The following ZNF568 variants were observed in gnomAD, a reference collection of about 807,000 sequenced individuals.
ZNF568 encodes p53 inhibitor of SCO2 activation.
Under a neutral mutation model 18.1 loss-of-function variants are expected in ZNF568, and 11 were observed. That is an observed-to-expected ratio of 0.61 (90% CI 0.38 to 1.00). The LOEUF (loss-of-function observed/expected upper bound fraction) is 1.00. Among genes scored for constraint, ZNF568 ranks in the 50% least tolerant of loss-of-function variants. The probability of loss-of-function intolerance (pLI) is 0.01; values close to 1 mark genes in which losing one functional copy is unlikely to be tolerated. For synonymous variants in ZNF568, 213 were observed against 246.6 expected, an observed-to-expected ratio of 0.86 and a Z score of 1.28; for missense variants, 639 against 768.2, an observed-to-expected ratio of 0.83 and a Z score of 1.99.
downstream of ZNF568, among the ~76,000 whole-genome samples, chr19:36,953,455 G>C (rs2074083630): frequency 6.6e-6 from 1 of 152,260 alleles, no homozygotes; most frequent in African/African-American, 2.4e-5. Flanking sequence ...GGTTGGAAAT[G>C]GTGGTGAACT....
In ZNF568 at chr19:36,950,602, T is replaced by C. The variant is rs868150263; in HGVS notation, c.1449T>C (p.Phe483=). The part of the protein sequence containing the change: ...PYECSECGKA[F]IQMSNLIRHQ... ...AATGCAGTGAATGTGGGAAAGCTTT[T>C]ATTCAGATGTCAAACCTCATTCGAC... The change falls in exon 7 of 7, where the codon TTT becomes TTC. Residue 483 remains phenylalanine (F), a synonymous_variant. Transcript: ENST00000333987. 20 of 1,613,608 alleles carry C rather than the reference T, an allele frequency of 1.2e-5. No homozygotes were observed. Among genetic ancestry groups the C allele is most frequent in the Non-Finnish European group, 1.7e-5 (20 of 1,179,858 alleles).
At position 36,916,537 on chromosome 19, in the gene ZNF568, A is replaced by T. The variant is rs77000225; in HGVS notation, c.-310A>T. ...GCGGTTGACGGGACACGGATCCTCT[A>T]AGGCCCAGAGTGTCCCGAGTAGCGG... On this transcript the variant is annotated 5_prime_UTR_variant, in exon 1 of 7. The change abolishes the stop of an existing upstream ORF in the 5' untranslated region. Coordinates refer to ENST00000333987, the MANE Select transcript of ZNF568 (RefSeq NM_198539.4). The surrounding 1 kb of genome is among the most constrained non-coding windows in gnomAD (Gnocchi z 5.3). 1 of 152,440 alleles carries T rather than the reference A, an allele frequency of 6.6e-6. No homozygotes were observed. The highest frequency in any genetic ancestry group is 1.5e-5 in the Non-Finnish European group (1 of 68,138). The allele number at this position is 152,440 out of a possible 1,614,324, so 9.4% of individuals were successfully genotyped here.
chr19:36,937,037 A>T, intron 5 of ZNF568, 110 bp from the exon 6 acceptor site: 1 of 1,358,572 alleles, frequency 7.4e-7, no homozygotes, highest in Non-Finnish European at 1.0e-6. Context: ...GTCATTGTGT[A>T]AGTTCATTCA....
intron 6 of ZNF568, chr19:36,973,123 T>A (rs1336379145): frequency 1.3e-5 from 2 of 152,242 alleles, no homozygotes; most frequent in African/African-American, 4.8e-5. Flanking sequence ...AGGCCCCGGG[T>A]GGCGCACCCA....
rs781731841 is a variant in ZNF568, at chr19:36,936,852, A to T, written c.242A>T (p.Tyr81Phe). 6.2e-7 allele frequency: 1 copy of T among 1,613,936 alleles called. No individual in the cohort carries two copies. Among genetic ancestry groups the T allele is most frequent in the East Asian group, 2.2e-5 (1 of 44,876 alleles). Reference sequence around the variant, plus strand: ...TATCGAGATGTGATGCTGGAGAACTACAGCAACCTAGTCACAGTGGGTAAG... The same window carrying T: ...TATCGAGATGTGATGCTGGAGAACTTCAGCAACCTAGTCACAGTGGGTAAG... ...NLYRDVMLEN[Y>F]SNLVTVGCQV... The change falls in exon 5 of 7, where the codon TAC becomes TTC. Residue 81 changes from tyrosine to phenylalanine, a missense_variant. Tyr to Phe is a conservative substitution (Grantham distance 22). Coordinates refer to ENST00000333987, the MANE Select transcript of ZNF568 (RefSeq NM_198539.4).
chr19:36,997,439 A>G (rs866296086), downstream of ZNF568: 1 of 1,589,854 alleles, frequency 6.3e-7, no homozygotes, highest in Non-Finnish European at 8.5e-7. Context: ...CGACATCAAA[A>G]AGTTCACACT....
intron 4 of ZNF568, among the ~76,000 whole-genome samples, chr19:36,927,868 ATATATATATATATATATAT>A (rs1432284290): frequency 6.8e-4 from 36 of 52,590 alleles, no homozygotes; most frequent in African/African-American, 3.8e-3. Flanking sequence ...GTGTATATAT[ATATATATATATATATATAT>A]TATATATATA....
chr19:36,954,790 C>G (rs2074095102), downstream of ZNF568, among the ~76,000 whole-genome samples: 1 of 150,468 alleles, frequency 6.6e-6, no homozygotes, highest in African/African-American at 2.5e-5. Flanking sequence ...GTTGGCCAGG[C>G]TGGTCTCGAA....
intron 6 of ZNF568, among the ~76,000 whole-genome samples, chr19:36,945,210 A>AGTGT (rs10616521): frequency 0.14 from 20,047 of 141,774 alleles, 1,350 homozygotes; most frequent in African/African-American, 0.15. Flanking sequence ...CAGAGAGAGA[A>AGTGT]GTGTGTGTGT....
At chr19:36,996,849 G>C (rs2074477918) in exon 5 of ZNF568, 1 of 1,540,458 alleles carries the variant, frequency 6.5e-7, no homozygotes, top group Non-Finnish European at 8.7e-7. Flanking sequence ...GTCAGCATCA[G>C]AGGATGCATC....
chr19:36,949,816 C>G lies in ZNF568; in HGVS notation c.663C>G (p.Pro221=), dbSNP rs1403808072. The G allele has an allele frequency of 1.2e-6, 2 of 1,613,966 alleles. No individual in the cohort carries two copies. The highest frequency in any genetic ancestry group is 2.2e-5 in the South Asian group (2 of 91,080). Residue 221 remains proline, a synonymous_variant, in exon 7 of 7, where the codon CCC becomes CCG. Transcript: ENST00000333987. Reference sequence around the variant, plus strand: ...ATTGTGCATCCTATGTTGTAACCCCCTTTAAGTGTAATCAGTGTGGACAAG... The same window carrying G: ...ATTGTGCATCCTATGTTGTAACCCCGTTTAAGTGTAATCAGTGTGGACAAG... The part of the protein sequence containing the change: ...FYHCASYVVT[P]FKCNQCGQDF...
intron 3 of ZNF568, 96 bp downstream of exon 3, chr19:36,922,942 C>G: frequency 9.8e-7 from 1 of 1,020,310 alleles, no homozygotes; most frequent in Non-Finnish European, 1.5e-6. Context: ...AGAAAGGTCA[C>G]GTATGTTAAT....
intron 2 of ZNF568, among the ~76,000 whole-genome samples, chr19:36,917,903 T>C (rs1344579933): frequency 6.6e-6 from 1 of 152,214 alleles, no homozygotes; most frequent in Non-Finnish European, 1.5e-5. Context: ...TTCTGTGTTA[T>C]TCTTGTCTCA....
chr19:36,933,909 TTGTTTTGTTTTTTTG>T (rs1312382301), intron 4 of ZNF568, among the ~76,000 whole-genome samples: 733 of 32,748 alleles, frequency 0.022, 61 homozygotes, highest in African/African-American at 0.11. Context: ...GTTTTTTTTT[TTGTTTTGTTTTTTTG>T]TTTTTTTTTT....
chr19:36,975,152 C>T (rs1280244951), intron 7 of ZNF568, among the ~76,000 whole-genome samples: 6 of 126,566 alleles, frequency 4.7e-5, no homozygotes, highest in Admixed American at 1.6e-4. Context: ...TTCTTTCTTT[C>T]TTTTTTTTTT....
chr19:36,920,618 C>T (rs1377442728), intron 2 of ZNF568, among the ~76,000 whole-genome samples: 4 of 106,982 alleles, frequency 3.7e-5, no homozygotes, highest in South Asian at 2.8e-4. Flanking sequence ...GAGACTCCAT[C>T]TAAAAAAAAA....
At chr19:36,960,728 CA>C (rs66625773) in intron 6 of ZNF568, among the ~76,000 whole-genome samples, 31,973 of 139,626 alleles carry the variant, frequency 0.23, 3,350 homozygotes, top group Middle Eastern at 0.3. Flanking sequence ...AACTCCATCT[CA>C]AAAAAAAAAA....
At chr19:36,997,364 C>T, downstream of ZNF568, 5 of 1,593,488 alleles carry the variant, frequency 3.1e-6, no homozygotes, top group Non-Finnish European at 4.3e-6. Context: ...AGAGCTCATA[C>T]TGGTGAAAAA....
rs1393343970 is a variant in ZNF568 at position 36,951,143 on chromosome 19, AAGCTCAAAAAAGCCAGGATCT to A, written c.*56_*76del. On this transcript the variant is annotated 3_prime_UTR_variant, in exon 7 of 7. Transcript: ENST00000333987. Reference sequence around the variant, plus strand: ...TGTTTTACTTAAAATATCTTGGCATAAGCTCAAAAAAGCCAGGATCTTTATGGAAAAATTTTAATACTTTGT... The same window carrying A: ...TGTTTTACTTAAAATATCTTGGCATATTATGGAAAAATTTTAATACTTTGT... 1 of 1,455,160 alleles carries A rather than the reference AAGCTCAAAAAAGCCAGGATCT, an allele frequency of 6.9e-7. No individual in the cohort carries two copies. Among genetic ancestry groups the A allele is most frequent in the Non-Finnish European group, 9.1e-7 (1 of 1,104,366 alleles). The allele number at this position is 1,455,160 out of a possible 1,614,324, so 90.1% of individuals were successfully genotyped here.
Sources: gnomAD v4.1 joint callset for allele counts (sites outside exome capture counted in the v4.1 genomes callset) on GRCh38, gnomAD v4.1.1 for gene constraint, Gnocchi (gnomAD v3.1) non-coding constraint, MANE v1.5 for transcripts, NCBI Gene and HGNC (gene_info 2026-07-23, HGNC 2026-07-21) for gene names.